The following FBXL7 variants were observed in gnomAD, a reference collection of about 807,000 sequenced individuals.
FBXL7 encodes F-box and leucine rich repeat protein 7, also known as F-box/LRR-repeat protein 7.
Under a neutral mutation model 38.3 loss-of-function variants are expected in FBXL7, and 12 were observed. The observed-to-expected ratio is 0.31, with a 90% confidence interval of 0.20 to 0.51. FBXL7 has a LOEUF of 0.51. Ranked by LOEUF, FBXL7 falls within the 20% of genes least tolerant of loss-of-function variation. FBXL7 has a pLI of 0.98. For synonymous variants in FBXL7, 297 were observed against 300.9 expected (o/e 0.99, Z 0.13); for missense variants, 567 against 676.4 (o/e 0.84, Z 1.79).
chr5:15,606,705 C>T (rs575864014), intron 1 of FBXL7: 4 of 152,338 alleles, frequency 2.6e-5, no homozygotes, highest in Non-Finnish European at 5.9e-5. Flanking sequence ...CCTCTCCTTC[C>T]CCAGCCCCTG....
chr5:15,629,988 C>T (rs553976861), intron 2 of FBXL7, among the ~76,000 whole-genome samples: 2 of 152,232 alleles, frequency 1.3e-5, no homozygotes, highest in South Asian at 4.1e-4. Flanking sequence ...CAGTTATTTA[C>T]TCTTAGTTGT....
At chr5:15,805,446 T>C (rs938470918) in intron 2 of FBXL7, among the ~76,000 whole-genome samples, 1 of 152,238 alleles carries the variant, frequency 6.6e-6, no homozygotes, top group African/African-American at 2.4e-5. Context: ...TCTTAAAATA[T>C]CATATTGAAA....
At chr5:15,509,160 C>T (rs956254571) in intron 1 of FBXL7, among the ~76,000 whole-genome samples, 5 of 152,152 alleles carry the variant, frequency 3.3e-5, no homozygotes, top group Admixed American at 6.5e-5. Context: ...CCTCAGGGAG[C>T]GCTGAGGCAC....
intron 2 of FBXL7, among the ~76,000 whole-genome samples, chr5:15,803,534 C>G (rs1393265183): frequency 1.3e-5 from 2 of 149,488 alleles, no homozygotes; most frequent in Non-Finnish European, 3.0e-5. Context: ...TTTCTCCCCC[C>G]ATCCTTCCTC....
Position 15,547,989 on chromosome 5 carries a change from C to T in FBXL7, c.37+47276C>T, listed in dbSNP as rs1372062991. 2.0e-5 allele frequency among the ~76,000 whole-genome samples: 3 copies of T among 152,270 alleles called. No individual in the cohort carries two copies. The East Asian group carries it at 5.8e-4, about 29-fold the overall frequency. The stretch of plus-strand genomic sequence containing the variant: ...AGAAAGATGAGAGTGGGGATGATCC[C>T]AGAAAGGATGTAGGTGGCAGATCCT... On this transcript the variant is annotated intron_variant, in intron 1 of 3. Coordinates refer to ENST00000504595, the MANE Select transcript of FBXL7 (RefSeq NM_012304.5).
chr5:15,816,369 C>T (rs571214571), intron 2 of FBXL7, among the ~76,000 whole-genome samples: 2 of 151,986 alleles, frequency 1.3e-5, no homozygotes, highest in Admixed American at 6.6e-5. Flanking sequence ...AGCCATTATT[C>T]GAAGAGAAGT....
intron 2 of FBXL7, among the ~76,000 whole-genome samples, chr5:15,859,847 C>T (rs971261755): frequency 2.6e-5 from 4 of 152,158 alleles, no homozygotes; most frequent in African/African-American, 9.7e-5. Context: ...ACCCATTTTA[C>T]AGATAAAGAA....
At chr5:15,888,193 C>G (rs954068025) in intron 2 of FBXL7, among the ~76,000 whole-genome samples, 1 of 145,992 alleles carries the variant, frequency 6.8e-6, no homozygotes, top group Admixed American at 7.0e-5. Context: ...TTTGTAAACA[C>G]CACTTTATTT....
intron 2 of FBXL7, among the ~76,000 whole-genome samples, chr5:15,771,995 T>G (rs1736742325): frequency 6.6e-6 from 1 of 152,040 alleles, no homozygotes. Flanking sequence ...GGTCTGGAAC[T>G]CCTGACCTCA....
intron 2 of FBXL7, among the ~76,000 whole-genome samples, chr5:15,914,108 C>T (rs999097386): frequency 3.3e-5 from 5 of 152,040 alleles, no homozygotes; most frequent in Admixed American, 6.6e-5. Flanking sequence ...GGGGGCCGGG[C>T]GGGCGTGGTG....
At position 15,936,880 on chromosome 5, in the gene FBXL7, G is replaced by A. The variant is rs746223946; in HGVS notation, c.1170G>A (p.Thr390=). Residue 390 remains threonine (T), a synonymous_variant, in exon 4 of 4, where the codon ACG becomes ACA. Coordinates refer to ENST00000504595, the MANE Select transcript of FBXL7 (RefSeq NM_012304.5). The surrounding 1 kb of genome is among the most constrained non-coding windows in gnomAD (Gnocchi z 6.0). ...ACGCGAGGGGCTGCGAGGGCATCAC[G>A]GACCACGGTGTGGAGTACCTCGCCA... ...YLNARGCEGI[T]DHGVEYLAKN... The A allele has an allele frequency of 6.2e-7, 1 of 1,613,996 alleles. No individual in the cohort carries two copies. The highest frequency in any genetic ancestry group is 1.1e-5 in the South Asian group (1 of 91,078).
chr5:15,524,797 C>T (rs968794580), intron 1 of FBXL7, among the ~76,000 whole-genome samples: 13 of 152,198 alleles, frequency 8.5e-5, no homozygotes, highest in African/African-American at 3.1e-4. Flanking sequence ...AACTTGCCTA[C>T]ATTAATCTTT....
At chr5:15,803,802 C>G (rs1737634214) in intron 2 of FBXL7, among the ~76,000 whole-genome samples, 1 of 152,276 alleles carries the variant, frequency 6.6e-6, no homozygotes, top group Non-Finnish European at 1.5e-5. Context: ...TGCCCCTTTA[C>G]CAGGGCAAGG....
chr5:15,783,677 T>A (rs932937966), intron 2 of FBXL7, among the ~76,000 whole-genome samples: 7 of 152,068 alleles, frequency 4.6e-5, no homozygotes, highest in Non-Finnish European at 8.8e-5. Flanking sequence ...TGGAGAGGGC[T>A]GTAGAGGAAT....
At chr5:15,786,100 T>A (rs1737125546) in intron 2 of FBXL7, among the ~76,000 whole-genome samples, 1 of 152,186 alleles carries the variant, frequency 6.6e-6, no homozygotes, top group South Asian at 2.1e-4. Context: ...TCTAAATCAT[T>A]TTTTCTGCTA....
At chr5:15,646,022 G>A (rs925089351) in intron 2 of FBXL7, among the ~76,000 whole-genome samples, 2 of 152,154 alleles carry the variant, frequency 1.3e-5, no homozygotes, top group Admixed American at 1.3e-4. Flanking sequence ...AGTTGGAGGA[G>A]GGGACTATGT....
chr5:15,853,917 G>T (rs968909483), intron 2 of FBXL7, among the ~76,000 whole-genome samples: 1 of 152,162 alleles, frequency 6.6e-6, no homozygotes, highest in African/African-American at 2.4e-5. Context: ...CTATCTTCTT[G>T]AATGACATAT....
At chr5:15,598,060 C>T (rs1580394208) in intron 1 of FBXL7, among the ~76,000 whole-genome samples, 1 of 152,220 alleles carries the variant, frequency 6.6e-6, no homozygotes, top group Middle Eastern at 3.4e-3. Context: ...GATAAAAGGG[C>T]TGTAAATGCA....
At chr5:15,505,380 TAAGCCCAG>T (rs1736616138) in intron 1 of FBXL7, among the ~76,000 whole-genome samples, 1 of 152,182 alleles carries the variant, frequency 6.6e-6, no homozygotes, top group Non-Finnish European at 1.5e-5. Flanking sequence ...CAGCTCTATC[TAAGCCCAG>T]AGTCATTATT....
Sources: gnomAD v4.1 joint callset for allele counts (sites outside exome capture counted in the v4.1 genomes callset) on GRCh38, gnomAD v4.1.1 for gene constraint, Gnocchi (gnomAD v3.1) non-coding constraint, MANE v1.5 for transcripts, NCBI Gene and HGNC (gene_info 2026-07-23, HGNC 2026-07-21) for gene names.